Variants in AKAP6 observed in about 807,000 individuals in gnomAD.
The protein encoded by AKAP6 is A-kinase anchor protein 6.
A neutral mutation model predicts 188.5 loss-of-function variants in AKAP6; 58 were observed. That is an observed-to-expected ratio of 0.31 (90% CI 0.25 to 0.38). The LOEUF (loss-of-function observed/expected upper bound fraction) is 0.38, where lower values mean the gene tolerates loss of function less well. AKAP6 is among the 10% of genes least tolerant of loss of function. The pLI is 1.00. For synonymous variants in AKAP6, 989 were observed against 998.6 expected (o/e 0.99, Z 0.18); for missense variants, 2,710 against 2,740.0 (o/e 0.99, Z 0.24).
chr14:32,792,100 G>A (rs1440591408), intron 12 of AKAP6, among the ~76,000 whole-genome samples: 1 of 152,104 alleles, frequency 6.6e-6, no homozygotes, highest in Non-Finnish European at 1.5e-5. Flanking sequence ...TCTGGACTCT[G>A]TGGGCTCTTT....
intron 11 of AKAP6, among the ~76,000 whole-genome samples, chr14:32,770,866 C>T (rs1030767185): frequency 6.6e-5 from 10 of 152,176 alleles, no homozygotes; most frequent in Admixed American, 3.3e-4. Flanking sequence ...CGGTGCCTAG[C>T]ATATGGAAAG....
rs931377743 is a variant in AKAP6, at chr14:32,535,421, G to T, written c.325-133G>T. The T allele has an allele frequency of 3.4e-5, 36 of 1,060,808 alleles. No individual in the cohort carries two copies. The African/African-American group carries it at 3.7e-4, about 11-fold the overall frequency. The allele number at this position is 1,060,808 out of a possible 1,614,324, so 65.7% of individuals were successfully genotyped here. On this transcript the variant is annotated intron_variant, in intron 2 of 13. Transcript: ENST00000280979. ...ACTGGGTATCTGAACTAAAACAAAG[G>T]CCCCAGGTATCCAATGTGCTACTGT...
chr14:32,396,768 A>G (rs1888893265), intron 1 of AKAP6, among the ~76,000 whole-genome samples: 1 of 152,094 alleles, frequency 6.6e-6, no homozygotes, highest in Admixed American at 6.6e-5. Context: ...GGCAGAATTA[A>G]TGGAATTTGG....
chr14:32,358,494 T>A (rs1887552711), intron 1 of AKAP6, among the ~76,000 whole-genome samples: 2 of 152,188 alleles, frequency 1.3e-5, no homozygotes, highest in African/African-American at 4.8e-5. Flanking sequence ...CCCTTGTTTT[T>A]TTCCCAGTTT....
chr14:32,528,324 T>C, intron 2 of AKAP6, among the ~76,000 whole-genome samples: 1 of 152,058 alleles, frequency 6.6e-6, no homozygotes, highest in East Asian at 1.9e-4. Context: ...GTCTGTGATA[T>C]ATTTTGAGTT....
At chr14:32,647,532 G>T (rs1220081349) in intron 7 of AKAP6, among the ~76,000 whole-genome samples, 2 of 152,066 alleles carry the variant, frequency 1.3e-5, no homozygotes, top group Non-Finnish European at 2.9e-5. Context: ...AGACTGAGCG[G>T]AATTTAAGTG....
In AKAP6 at chr14:32,701,794, C is replaced by T. The variant is rs144224975; in HGVS notation, c.3000+5684C>T. Among the ~76,000 whole-genome samples the T allele has an allele frequency of 4.0e-4, 61 of 152,066 alleles. No homozygotes were observed. The East Asian group carries it at 6.4e-3, about 16-fold the overall frequency. ...GGACCAAATTGATCTAACTAATTTC[C>T]GATGTGATTTGATATTCTTATGACT... is the stretch of plus-strand genomic sequence containing the variant. On this transcript the variant is annotated intron_variant, in intron 9 of 13. Transcript: ENST00000280979.
At chr14:32,391,789 C>T (rs1380896435) in intron 1 of AKAP6, among the ~76,000 whole-genome samples, 1 of 152,166 alleles carries the variant, frequency 6.6e-6, no homozygotes, top group Non-Finnish European at 1.5e-5. Flanking sequence ...GAAGCAGAAG[C>T]CACTATGTTT....
At chr14:32,354,022 G>C (rs1340143395) in intron 1 of AKAP6, among the ~76,000 whole-genome samples, 4 of 152,124 alleles carry the variant, frequency 2.6e-5, no homozygotes, top group Non-Finnish European at 5.9e-5. Context: ...TCGTGAAAAT[G>C]GCCATACTGC....
chr14:32,392,375 G>A (rs1335712414), intron 1 of AKAP6, among the ~76,000 whole-genome samples: 2 of 152,234 alleles, frequency 1.3e-5, no homozygotes, highest in African/African-American at 4.8e-5. Context: ...CTCTGTGATG[G>A]ATTAGAATTG....
intron 1 of AKAP6, among the ~76,000 whole-genome samples, chr14:32,348,717 T>A (rs7148036): frequency 6.6e-6 from 1 of 151,962 alleles, no homozygotes; most frequent in Non-Finnish European, 1.5e-5. Context: ...CCAGCCCCAT[T>A]GTGTTTCTTT....
chr14:32,769,980 T>C (rs1424986845), intron 11 of AKAP6, among the ~76,000 whole-genome samples: 6 of 152,224 alleles, frequency 3.9e-5, no homozygotes, highest in Non-Finnish European at 8.8e-5. Context: ...ATACCAGTAT[T>C]GAAAGTCTTA....
intron 1 of AKAP6, among the ~76,000 whole-genome samples, chr14:32,369,419 T>C (rs1566468416): frequency 6.6e-6 from 1 of 152,232 alleles, no homozygotes; most frequent in Non-Finnish European, 1.5e-5. Flanking sequence ...ATAGTTAAAA[T>C]ATTTGATGAA....
intron 11 of AKAP6, among the ~76,000 whole-genome samples, chr14:32,747,468 C>T (rs2031959843): frequency 6.6e-6 from 1 of 152,150 alleles, no homozygotes; most frequent in Non-Finnish European, 1.5e-5. Context: ...TTCTACATAT[C>T]ATAGATACAT....
chr14:32,796,072 C>T (rs1343293880), intron 12 of AKAP6, among the ~76,000 whole-genome samples: 1 of 152,052 alleles, frequency 6.6e-6, no homozygotes, highest in African/African-American at 2.4e-5. Flanking sequence ...ATATAGCTAA[C>T]AAGGGAAGTG....
At chr14:32,348,926 C>G (rs919477371) in intron 1 of AKAP6, among the ~76,000 whole-genome samples, 2 of 152,192 alleles carry the variant, frequency 1.3e-5, no homozygotes, top group Admixed American at 1.3e-4. Context: ...TTTCACAGAT[C>G]TCTCAGTACT....
At chr14:32,551,824 T>C (rs907824986) in intron 4 of AKAP6, among the ~76,000 whole-genome samples, 3 of 139,646 alleles carry the variant, frequency 2.1e-5, no homozygotes, top group African/African-American at 9.7e-5. Context: ...CACACCCGGC[T>C]AATTTTTTGT....
rs766883243 is a variant in AKAP6, at chr14:32,678,361, G to A, written c.2781G>A (p.Gln927=). Reference sequence around the variant, plus strand: ...AAGCACAAAGAGATGCTGTTGAGCAGATGTCCCTCAAGCTGTACAGCGAGC... The same window carrying A: ...AAGCACAAAGAGATGCTGTTGAGCAAATGTCCCTCAAGCTGTACAGCGAGC... The part of the protein sequence containing the change: ...YLEAQRDAVE[Q]MSLKLYSEQY... The change falls in exon 8 of 14, where the codon CAG becomes CAA. Residue 927 remains glutamine (Q), a synonymous_variant. Coordinates refer to ENST00000280979, the MANE Select transcript of AKAP6 (RefSeq NM_004274.5). 6.2e-7 allele frequency: 1 copy of A among 1,613,716 alleles called. No individual in the cohort carries two copies. Among genetic ancestry groups the A allele is most frequent in the Non-Finnish European group, 8.5e-7 (1 of 1,179,772 alleles).
intron 11 of AKAP6, among the ~76,000 whole-genome samples, chr14:32,754,914 C>T (rs2032275152): frequency 6.6e-6 from 1 of 152,150 alleles, no homozygotes; most frequent in South Asian, 2.1e-4. Flanking sequence ...TTTTCTCATG[C>T]TGCTTTCAAT....
Sources: allele counts gnomAD v4.1 joint callset (sites outside exome capture counted in the v4.1 genomes callset), GRCh38; gene constraint gnomAD v4.1.1; transcripts MANE v1.5; gene names NCBI Gene and HGNC (gene_info 2026-07-23, HGNC 2026-07-21).